Variants in AFG2A observed in about 807,000 individuals in gnomAD.
The protein encoded by AFG2A is AAA ATPase AFG2A, also known as ATPase family gene 2 protein homolog A.
the AFG2A span, among the ~76,000 whole-genome samples, chr4:122,931,766 G>C: frequency 6.6e-6 from 1 of 152,126 alleles, no homozygotes; most frequent in Non-Finnish European, 1.5e-5. Flanking sequence ...AATGAAAGCT[G>C]AAACAAGGCA....
the AFG2A span, among the ~76,000 whole-genome samples, chr4:122,964,201 G>A: frequency 6.6e-6 from 1 of 152,108 alleles, no homozygotes; most frequent in Non-Finnish European, 1.5e-5. Flanking sequence ...TACAACTATA[G>A]GTTGGTGCAA....
chr4:123,234,066 C>T, the AFG2A span, among the ~76,000 whole-genome samples: 1 of 152,086 alleles, frequency 6.6e-6, no homozygotes, highest in African/African-American at 2.4e-5. Flanking sequence ...TGATGTTTAG[C>T]ACTTCTTACA....
chr4:123,156,602 C>T, the AFG2A span, among the ~76,000 whole-genome samples: 1 of 151,986 alleles, frequency 6.6e-6, no homozygotes, highest in Admixed American at 6.6e-5. Flanking sequence ...TGTTTTTTAT[C>T]ACCAAGACAG....
At chr4:123,292,331 T>C in the AFG2A span, among the ~76,000 whole-genome samples, 1 of 152,174 alleles carries the variant, frequency 6.6e-6, no homozygotes, top group African/African-American at 2.4e-5. Flanking sequence ...ATCGAGCAAC[T>C]TAATAGTCAG....
the AFG2A span, among the ~76,000 whole-genome samples, chr4:122,995,824 G>A: frequency 6.6e-6 from 1 of 152,180 alleles, no homozygotes; most frequent in African/African-American, 2.4e-5. Context: ...AATACTTCAT[G>A]AGTGTTTGCT....
At chr4:123,162,173 C>T in the AFG2A span, among the ~76,000 whole-genome samples, 2 of 152,032 alleles carry the variant, frequency 1.3e-5, no homozygotes, top group African/African-American at 4.8e-5. Flanking sequence ...AGAGTGTGAC[C>T]AAGATATGGA....
chr4:122,968,207 T>G, the AFG2A span, among the ~76,000 whole-genome samples: 1 of 152,244 alleles, frequency 6.6e-6, no homozygotes, highest in Non-Finnish European at 1.5e-5. Context: ...CTCAATGTTA[T>G]TTAAACCAGC....
At chr4:123,253,972 A>T in the AFG2A span, among the ~76,000 whole-genome samples, 1 of 152,190 alleles carries the variant, frequency 6.6e-6, no homozygotes, top group Admixed American at 6.5e-5. Context: ...AATGATGTTA[A>T]GTATCTTTTC....
chr4:123,113,500 A>G, the AFG2A span, among the ~76,000 whole-genome samples: 14 of 137,314 alleles, frequency 1.0e-4, no homozygotes, highest in African/African-American at 3.7e-4. Flanking sequence ...AGTTAATATT[A>G]AAAAAAAAAA....
chr4:123,070,724 A>G, the AFG2A span, among the ~76,000 whole-genome samples: 5 of 152,186 alleles, frequency 3.3e-5, no homozygotes, highest in Non-Finnish European at 7.3e-5. Flanking sequence ...ATATTCAATC[A>G]CCAGGCAAGT....
chr4:123,264,003 A>T, the AFG2A span, among the ~76,000 whole-genome samples: 2 of 152,214 alleles, frequency 1.3e-5, no homozygotes, highest in African/African-American at 4.8e-5. Flanking sequence ...TGTGGCATAT[A>T]TATACACCAT....
the AFG2A span, among the ~76,000 whole-genome samples, chr4:123,221,115 C>G: frequency 6.6e-6 from 1 of 152,094 alleles, no homozygotes; most frequent in Non-Finnish European, 1.5e-5. Flanking sequence ...TTTCCAGCAC[C>G]TGAAGTGGGG....
the AFG2A span, among the ~76,000 whole-genome samples, chr4:123,195,972 T>C: frequency 1.3e-5 from 2 of 150,428 alleles, no homozygotes. Flanking sequence ...ATCCTTCCAT[T>C]CATTTCCTCA....
chr4:123,057,903 G>A, the AFG2A span, among the ~76,000 whole-genome samples: 1 of 151,918 alleles, frequency 6.6e-6, no homozygotes, highest in Non-Finnish European at 1.5e-5. Flanking sequence ...TCTACAAGTG[G>A]TTCATGTTGG....
chr4:123,100,709 A>G, the AFG2A span, among the ~76,000 whole-genome samples: 96,166 of 151,720 alleles, frequency 0.63, 34,180 homozygotes, highest in East Asian at 0.97. Flanking sequence ...GTCATCAGGA[A>G]CAACAACAAA....
chr4:123,217,953 A>G, the AFG2A span, among the ~76,000 whole-genome samples: 1 of 152,212 alleles, frequency 6.6e-6, no homozygotes, highest in African/African-American at 2.4e-5. Context: ...CTGAGCTGAT[A>G]TCAGACTCCC....
chr4:123,313,504 G>T, the AFG2A span, among the ~76,000 whole-genome samples: 1 of 152,138 alleles, frequency 6.6e-6, no homozygotes, highest in African/African-American at 2.4e-5. Context: ...TCCCTTGACC[G>T]TTGGCTCCCG....
chr4:123,125,197 C>T, the AFG2A span, among the ~76,000 whole-genome samples: 1 of 152,182 alleles, frequency 6.6e-6, no homozygotes, highest in Admixed American at 6.5e-5. Flanking sequence ...GGAGCCATCT[C>T]TTGAGACTGG....
At chr4:123,004,082 G>A in the AFG2A span, among the ~76,000 whole-genome samples, 7 of 152,170 alleles carry the variant, frequency 4.6e-5, no homozygotes, top group African/African-American at 7.2e-5. Flanking sequence ...AGGAATCAGC[G>A]AGACTCCGTG....
Sources: allele counts gnomAD v4.1 joint callset (sites outside exome capture counted in the v4.1 genomes callset), GRCh38; gene constraint gnomAD v4.1.1; transcripts MANE v1.5; gene names NCBI Gene and HGNC (gene_info 2026-07-23, HGNC 2026-07-21).